MED19: variants seen among roughly 807,000 people sequenced by gnomAD.
The protein encoded by MED19 is mediator complex subunit 19.
Under a neutral mutation model 19.9 loss-of-function variants are expected in MED19, and 4 were observed. The ratio of observed to expected loss-of-function variants is 0.20; its 90% CI spans 0.10 to 0.46. The LOEUF is 0.46. MED19 is among the 20% of genes least tolerant of loss of function. The probability of loss-of-function intolerance (pLI) is 0.99; values close to 1 mark genes in which losing one functional copy is unlikely to be tolerated. For synonymous variants in MED19, 139 were observed against 119.6 expected (o/e 1.16, Z -1.06); for missense variants, 303 against 318.7 (o/e 0.95, Z 0.38).
chr11:57,704,362 T>C (rs1565203124), exon 4 of MED19: 2 of 1,536,628 alleles, frequency 1.3e-6, no homozygotes, highest in Admixed American at 3.9e-5. Context: ...CTTTTTTCTT[T>C]TTCTTCTTCT....
intron 1 of MED19, among the ~76,000 whole-genome samples, chr11:57,706,473 AAGTC>A (rs1473114777): frequency 6.6e-6 from 1 of 152,156 alleles, no homozygotes; most frequent in African/African-American, 2.4e-5. Flanking sequence ...GTTTGATTAG[AAGTC>A]AGTCAACTAA....
At chr11:57,707,687 A>G (rs1303547332) in intron 1 of MED19, among the ~76,000 whole-genome samples, 1 of 152,190 alleles carries the variant, frequency 6.6e-6, no homozygotes, top group Non-Finnish European at 1.5e-5. Flanking sequence ...TTGCCATTAC[A>G]ATCTTCTGAA....
At chr11:57,707,889 A>G (rs1036170625) in intron 1 of MED19, among the ~76,000 whole-genome samples, 12 of 152,102 alleles carry the variant, frequency 7.9e-5, no homozygotes, top group Admixed American at 7.9e-4. Flanking sequence ...CTGGAGTGTA[A>G]TGGCACAATC....
At chr11:57,704,251 G>A in intron 4 of MED19, 51 bp downstream of exon 4, 1 of 1,529,392 alleles carries the variant, frequency 6.5e-7, no homozygotes, top group Non-Finnish European at 8.7e-7. Context: ...TTAGGACAGG[G>A]GTGAGATCTG....
At chr11:57,709,635 G>A (rs1440412980) in intron 1 of MED19, among the ~76,000 whole-genome samples, 4 of 152,136 alleles carry the variant, frequency 2.6e-5, no homozygotes, top group African/African-American at 4.8e-5. Context: ...ATGGCTCACT[G>A]CAGCCTCAAC....
intron 4 of MED19, 76 bp downstream of exon 4, chr11:57,704,226 A>C: frequency 6.5e-7 from 1 of 1,526,744 alleles, no homozygotes; most frequent in Non-Finnish European, 8.7e-7. Flanking sequence ...CTTGAGGCAA[A>C]GAACTCTAGG....
Position 57,705,038 on chromosome 11 carries a change from G to C in MED19, c.409C>G (p.Leu137Val), listed in dbSNP as rs762339124. ...GTGATAGGATTGAAAGAGCTACTGA[G>C]AATAGGGGGCTTCTCAATGAGAGAG... is the stretch of plus-strand genomic sequence containing the variant. The change falls in exon 2 of 5, where the codon CTC (leucine) becomes GTC (valine). Residue 137 changes from leucine (L) to valine (V), a missense_variant. Leu to Val is a conservative substitution (Grantham distance 32). Around this residue, in one of 2 missense-constraint regions of MED19, gnomAD observed 274 missense variants for 259.2 expected, o/e 1.06. Coordinates refer to ENST00000431606, the Ensembl canonical transcript of MED19. The C allele has an allele frequency of 2.0e-5, 32 of 1,614,086 alleles. No individual in the cohort carries two copies. The highest frequency in any genetic ancestry group is 5.3e-5 in the African/African-American group (4 of 74,948).
chr11:57,705,922 G>A (rs546297992), intron 1 of MED19, among the ~76,000 whole-genome samples: 1 of 151,660 alleles, frequency 6.6e-6, no homozygotes, highest in South Asian at 2.1e-4. Context: ...AGGAAAATAC[G>A]ACCTTGCAGC....
exon 5 of MED19, chr11:57,703,759 G>T: frequency 2.5e-6 from 1 of 394,444 alleles, no homozygotes. Flanking sequence ...CACAGAACAA[G>T]TCCTAAATCA....
intron 1 of MED19, among the ~76,000 whole-genome samples, chr11:57,711,444 C>G (rs574697626): frequency 1.9e-3 from 287 of 152,334 alleles, no homozygotes; most frequent in Admixed American, 5.0e-3. Flanking sequence ...CCTCCGCCTC[C>G]CGGGGTTCAA....
At chr11:57,711,326 A>C (rs1429894071) in intron 1 of MED19, among the ~76,000 whole-genome samples, 1 of 152,136 alleles carries the variant, frequency 6.6e-6, no homozygotes, top group Non-Finnish European at 1.5e-5. Context: ...AAAGATATTA[A>C]ATCAGGCCTC....
At chr11:57,703,735 T>G in exon 5 of MED19, 1 of 299,546 alleles carries the variant, frequency 3.3e-6, no homozygotes, top group South Asian at 9.7e-5. Flanking sequence ...TAATTTTTTT[T>G]TTTTTAAAGA....
intron 3 of MED19, 152 bp from the exon 4 acceptor site, chr11:57,704,548 C>G: frequency 6.3e-7 from 1 of 1,585,488 alleles, no homozygotes; most frequent in Non-Finnish European, 8.5e-7. Flanking sequence ...AGTCCCTGTC[C>G]CAAGTCCCAA....
chr11:57,712,103 C>A, exon 1 of MED19: 1 of 1,527,056 alleles, frequency 6.5e-7, no homozygotes, highest in South Asian at 1.2e-5. Flanking sequence ...TGGAGGCTTT[C>A]CTGGTCCGAA....
chr11:57,704,194 G>C, intron 4 of MED19, 88 bp from the exon 5 acceptor site: 1 of 1,527,550 alleles, frequency 6.5e-7, no homozygotes, highest in South Asian at 1.2e-5. Context: ...AACCTGCCTT[G>C]GGTTTTCAAT....
intron 1 of MED19, among the ~76,000 whole-genome samples, chr11:57,709,255 C>T (rs1263416684): frequency 6.6e-6 from 1 of 152,028 alleles, no homozygotes; most frequent in Non-Finnish European, 1.5e-5. Context: ...GTGGCACATG[C>T]CTGTAATCCG....
At chr11:57,711,847 A>G in intron 1 of MED19, 116 bp downstream of exon 1, 1 of 1,160,662 alleles carries the variant, frequency 8.6e-7, no homozygotes, top group Non-Finnish European at 1.1e-6. Flanking sequence ...AGGGCTCCAC[A>G]GTCCGGGTAT....
intron 1 of MED19, among the ~76,000 whole-genome samples, chr11:57,711,730 A>C (rs1946617584): frequency 6.6e-6 from 1 of 152,096 alleles, no homozygotes; most frequent in African/African-American, 2.4e-5. Flanking sequence ...AGTAACGGAG[A>C]TGCACTACGC....
At chr11:57,705,794 C>T (rs893671784) in intron 1 of MED19, among the ~76,000 whole-genome samples, 1 of 152,196 alleles carries the variant, frequency 6.6e-6, no homozygotes, top group African/African-American at 2.4e-5. Context: ...GAAGGAGACA[C>T]TCCACTCTCT....
Sources: gnomAD v4.1 joint callset for allele counts (sites outside exome capture counted in the v4.1 genomes callset) on GRCh38, gnomAD v4.1.1 for gene constraint, gnomAD v4.1.1 regional missense constraint, MANE v1.5 for transcripts, NCBI Gene and HGNC (gene_info 2026-07-23, HGNC 2026-07-21) for gene names.